ROBO1: variants seen among roughly 807,000 people sequenced by gnomAD.
ROBO1 encodes roundabout guidance receptor 1, also known as roundabout homolog 1.
ROBO1 carries 149 observed loss-of-function variants against 195.9 expected under a neutral mutation model. The observed-to-expected ratio is 0.76, with a 90% CI of 0.67 to 0.87. The LOEUF is 0.87. Ranked by LOEUF, ROBO1 falls within the 40% of genes least tolerant of loss-of-function variation. The probability of loss-of-function intolerance (pLI) is 0.00; values close to 1 mark genes in which losing one functional copy is unlikely to be tolerated. For synonymous variants in ROBO1, 816 were observed against 733.2 expected (o/e 1.11, Z -1.82); for missense variants, 1,933 against 2,068.3 (o/e 0.93, Z 1.27).
At chr3:79,641,750 G>A (rs573677510) in intron 1 of ROBO1, among the ~76,000 whole-genome samples, 58 of 152,228 alleles carry the variant, frequency 3.8e-4, no homozygotes, top group Non-Finnish European at 7.8e-4. Context: ...AGGTGTGGTG[G>A]TTCATGCCTG....
intron 18 of ROBO1, among the ~76,000 whole-genome samples, chr3:78,652,976 C>T (rs1018303621): frequency 6.6e-6 from 1 of 151,930 alleles, no homozygotes; most frequent in Non-Finnish European, 1.5e-5. Flanking sequence ...AGAATTCCCA[C>T]CTCTGTCTGC....
chr3:79,250,124 C>T (rs1008142530), intron 2 of ROBO1, among the ~76,000 whole-genome samples: 1 of 151,924 alleles, frequency 6.6e-6, no homozygotes. Context: ...GACTGAATTA[C>T]AGAATATTAG....
intron 3 of ROBO1, among the ~76,000 whole-genome samples, chr3:79,068,938 C>T (rs1000243337): frequency 4.6e-5 from 7 of 151,724 alleles, no homozygotes; most frequent in Non-Finnish European, 8.8e-5. Context: ...TTCTTTCTTC[C>T]CTTTATCCTA....
chr3:79,517,129 AG>A, intron 2 of ROBO1, among the ~76,000 whole-genome samples: 1 of 152,188 alleles, frequency 6.6e-6, no homozygotes, highest in African/African-American at 2.4e-5. Context: ...CTTAAACAAA[AG>A]AAAATATTTT....
chr3:78,625,396 G>A (rs1467047686), intron 26 of ROBO1, among the ~76,000 whole-genome samples: 1 of 152,138 alleles, frequency 6.6e-6, no homozygotes, highest in African/African-American at 2.4e-5. Context: ...AATAAATAAT[G>A]GTTGAAAATT....
chr3:79,261,770 G>T (rs2082942028), intron 2 of ROBO1, among the ~76,000 whole-genome samples: 1 of 151,988 alleles, frequency 6.6e-6, no homozygotes, highest in South Asian at 2.1e-4. Flanking sequence ...CTAAAAAAGA[G>T]TTCAATGAAT....
intron 3 of ROBO1, among the ~76,000 whole-genome samples, chr3:79,082,050 AG>A (rs2079284165): frequency 6.6e-6 from 1 of 152,188 alleles, no homozygotes; most frequent in Non-Finnish European, 1.5e-5. Context: ...AATATACAAA[AG>A]AAAATATTAC....
intron 4 of ROBO1, among the ~76,000 whole-genome samples, chr3:78,816,060 C>T (rs1488244920): frequency 2.0e-5 from 3 of 152,138 alleles, no homozygotes; most frequent in Non-Finnish European, 2.9e-5. Flanking sequence ...CCAAGACTTT[C>T]ATTGTTGTAG....
intron 3 of ROBO1, among the ~76,000 whole-genome samples, chr3:78,998,894 T>G (rs918271060): frequency 6.6e-6 from 1 of 152,016 alleles, no homozygotes; most frequent in African/African-American, 2.4e-5. Context: ...GCCACATAGT[T>G]AAAGGCAGTC....
chr3:78,884,611 G>A (rs150733779), intron 4 of ROBO1, among the ~76,000 whole-genome samples: 6,050 of 125,130 alleles, frequency 0.048, 174 homozygotes, highest in Non-Finnish European at 0.069. Context: ...GAGAGAAAGA[G>A]AGAAAGAAAG....
In ROBO1 at chr3:78,651,753, T is replaced by A; in HGVS notation, c.2791A>T (p.Thr931Ser). 1 of 1,612,628 alleles carries A rather than the reference T, an allele frequency of 6.2e-7. No homozygotes were observed. Among genetic ancestry groups the A allele is most frequent in the East Asian group, 2.2e-5 (1 of 44,816 alleles). The change falls in exon 19 of 31, where the codon ACC (threonine) becomes TCC (serine). Residue 931 changes from threonine (T) to serine (S), a missense_variant. Thr to Ser is a moderately conservative substitution (Grantham distance 58). This residue lies in a region of ROBO1 where 1,737 missense variants were observed against 1,882.5 expected (regional missense o/e 0.92). Transcript: ENST00000464233. The stretch of plus-strand genomic sequence containing the variant: ...ATACCTTTTCTGATACCCGCGTAGG[T>A]ACTAGTAAGTCCGTTTCTCTTCTTG... Reference protein sequence around the residue: ...HRKKRNGLTSTYAGIRKVPSF... With the variant: ...HRKKRNGLTSSYAGIRKVPSF...
At chr3:79,176,571 T>C (rs2081264838) in intron 2 of ROBO1, among the ~76,000 whole-genome samples, 1 of 152,110 alleles carries the variant, frequency 6.6e-6, no homozygotes, top group Non-Finnish European at 1.5e-5. Flanking sequence ...GATTCTCTTG[T>C]CTTAGCCTCC....
At chr3:79,680,612 G>T (rs1163322092) in intron 1 of ROBO1, among the ~76,000 whole-genome samples, 1 of 151,980 alleles carries the variant, frequency 6.6e-6, no homozygotes, top group East Asian at 1.9e-4. Flanking sequence ...TAGCTGGACT[G>T]GGTGTTTTTC....
chr3:79,551,313 A>T (rs540372897), intron 2 of ROBO1, among the ~76,000 whole-genome samples: 1 of 151,878 alleles, frequency 6.6e-6, no homozygotes, highest in East Asian at 1.9e-4. Context: ...CATTAGGTAT[A>T]TCTCCTAAAG....
At chr3:78,914,764 T>A (rs1050860174) in intron 4 of ROBO1, among the ~76,000 whole-genome samples, 2 of 147,464 alleles carry the variant, frequency 1.4e-5, no homozygotes, top group African/African-American at 4.9e-5. Flanking sequence ...AAATTATATA[T>A]ATATATTTAT....
intron 3 of ROBO1, among the ~76,000 whole-genome samples, chr3:79,058,656 ACAAT>A (rs1240996540): frequency 6.6e-6 from 1 of 152,068 alleles, no homozygotes; most frequent in Non-Finnish European, 1.5e-5. Context: ...ATTTGGATGA[ACAAT>A]CAAACTGTCC....
At chr3:79,268,784 C>T (rs1559777915) in intron 2 of ROBO1, among the ~76,000 whole-genome samples, 1 of 151,726 alleles carries the variant, frequency 6.6e-6, no homozygotes, top group South Asian at 2.1e-4. Flanking sequence ...ACCATCCTTG[C>T]AGGAGGATTT....
At chr3:79,232,939 G>C (rs1006815711) in intron 2 of ROBO1, among the ~76,000 whole-genome samples, 1 of 152,068 alleles carries the variant, frequency 6.6e-6, no homozygotes, top group Non-Finnish European at 1.5e-5. Flanking sequence ...GTTATGTTTT[G>C]ATAGGATAAC....
At chr3:79,668,570 T>C (rs971654170) in intron 1 of ROBO1, among the ~76,000 whole-genome samples, 5 of 151,636 alleles carry the variant, frequency 3.3e-5, no homozygotes, top group Non-Finnish European at 7.4e-5. Flanking sequence ...AGGATAATCA[T>C]TCAGCCCAGG....
Sources: allele counts gnomAD v4.1 joint callset (sites outside exome capture counted in the v4.1 genomes callset), GRCh38; gene constraint gnomAD v4.1.1; regional missense constraint gnomAD v4.1.1; transcripts MANE v1.5; gene names NCBI Gene and HGNC (gene_info 2026-07-23, HGNC 2026-07-21).